Variants in MAPK10 observed in about 807,000 individuals in gnomAD.
The protein encoded by MAPK10 is mitogen-activated protein kinase 10, also known as JNK3 alpha protein kinase.
In MAPK10, 25 loss-of-function variants were observed where a neutral mutation model predicts 59.3. The ratio of observed to expected loss-of-function variants is 0.42; its 90% CI spans 0.31 to 0.59. The LOEUF is 0.59. MAPK10 is among the 20% of genes least tolerant of loss of function. MAPK10 has a pLI of 0.15. For missense variants in MAPK10, 351 were observed against 568.9 expected, an observed-to-expected ratio of 0.62 and a Z score of 3.90; for synonymous variants, 190 against 200.5, an observed-to-expected ratio of 0.95 and a Z score of 0.44.
chr4:86,430,641 A>G, intron 1 of MAPK10, among the ~76,000 whole-genome samples: 1 of 152,240 alleles, frequency 6.6e-6, no homozygotes, highest in East Asian at 1.9e-4. Context: ...TCTCTACAAA[A>G]GCGCCATTTA....
At chr4:86,021,026 T>A (rs942749281) in intron 13 of MAPK10, among the ~76,000 whole-genome samples, 1 of 152,158 alleles carries the variant, frequency 6.6e-6, no homozygotes, top group Non-Finnish European at 1.5e-5. Context: ...TGCTGACTGG[T>A]GCATTTACAA....
At chr4:86,487,564 C>A (rs1316778249) in intron 1 of MAPK10, among the ~76,000 whole-genome samples, 1 of 151,758 alleles carries the variant, frequency 6.6e-6, no homozygotes. Flanking sequence ...CCCGTCTCTA[C>A]TAAAAATACA....
chr4:86,169,351 A>G (rs2073190400), intron 3 of MAPK10, among the ~76,000 whole-genome samples: 1 of 152,200 alleles, frequency 6.6e-6, no homozygotes, highest in South Asian at 2.1e-4. Flanking sequence ...AGAATAACCA[A>G]TACAGAGAAG....
chr4:86,045,635 C>G (rs1029963473), intron 11 of MAPK10, among the ~76,000 whole-genome samples: 1 of 151,878 alleles, frequency 6.6e-6, no homozygotes, highest in African/African-American at 2.4e-5. Context: ...GAATGGCTTC[C>G]CTTCACCCTA....
intron 3 of MAPK10, among the ~76,000 whole-genome samples, chr4:86,181,725 G>T (rs932761900): frequency 6.6e-6 from 1 of 152,028 alleles, no homozygotes; most frequent in Non-Finnish European, 1.5e-5. Flanking sequence ...AAGATGCCCT[G>T]GTCCTGACCC....
chr4:86,110,264 A>G (rs1427385032), intron 4 of MAPK10, among the ~76,000 whole-genome samples: 1 of 151,978 alleles, frequency 6.6e-6, no homozygotes, highest in African/African-American at 2.4e-5. Context: ...CTTTTGTTGC[A>G]ATTGCTTTTG....
At position 86,423,760 on chromosome 4, in the gene MAPK10, G is replaced by GATATATATATATATATAT. The variant is rs772650050; in HGVS notation, c.-122+29269_-122+29270insATATATATATATATATAT. ...AGGGCTGCATATAAGTAATTAGTGG[G>GATATATATATATATATAT]ATATATATACATATATATATATATA... On this transcript the variant is annotated intron_variant, in intron 1 of 13. Transcript: ENST00000361569. Among the ~76,000 whole-genome samples, 1,121 of 116,750 alleles carry GATATATATATATATATAT rather than the reference G, an allele frequency of 9.6e-3. 53 individuals are homozygous for GATATATATATATATATAT. The highest frequency in any genetic ancestry group is 0.012 in the African/African-American group (340 of 28,572). The allele number at this position is 116,750 out of a possible 152,430, so 76.6% of individuals were successfully genotyped here.
intron 3 of MAPK10, chr4:86,176,217 G>T (rs534916565): frequency 6.6e-6 from 1 of 152,218 alleles, no homozygotes; most frequent in South Asian, 2.1e-4. Context: ...TGTACTTAAG[G>T]AGTTAGTTGA....
intron 2 of MAPK10, among the ~76,000 whole-genome samples, chr4:86,337,466 G>A (rs1222316164): frequency 6.6e-6 from 1 of 152,154 alleles, no homozygotes; most frequent in East Asian, 1.9e-4. Context: ...AAGTCTCTTT[G>A]TTTGGAGAAT....
intron 1 of MAPK10, among the ~76,000 whole-genome samples, chr4:86,567,559 A>G (rs895702683): frequency 6.6e-6 from 1 of 152,066 alleles, no homozygotes; most frequent in African/African-American, 2.4e-5. Context: ...ATGTCAAAGT[A>G]GTACTTAATC....
intron 1 of MAPK10, among the ~76,000 whole-genome samples, chr4:86,545,765 C>G (rs1164442987): frequency 6.6e-6 from 1 of 152,098 alleles, no homozygotes; most frequent in Non-Finnish European, 1.5e-5. Flanking sequence ...CAACTCTGAC[C>G]AGGGACATTT....
intron 2 of MAPK10, among the ~76,000 whole-genome samples, chr4:86,344,746 C>T (rs1390491736): frequency 6.6e-6 from 1 of 152,118 alleles, no homozygotes; most frequent in Non-Finnish European, 1.5e-5. Flanking sequence ...CTGTTAACTT[C>T]ATGTAAATGT....
intron 1 of MAPK10, among the ~76,000 whole-genome samples, chr4:86,382,626 T>C (rs903447810): frequency 6.6e-6 from 1 of 152,210 alleles, no homozygotes; most frequent in African/African-American, 2.4e-5. Context: ...TAAGAATGAA[T>C]GTATTCACTT....
At chr4:86,295,421 T>C (rs910091466) in intron 2 of MAPK10, among the ~76,000 whole-genome samples, 1 of 152,110 alleles carries the variant, frequency 6.6e-6, no homozygotes, top group Non-Finnish European at 1.5e-5. Flanking sequence ...TTTATCACCA[T>C]CTAACTTGCT....
intron 1 of MAPK10, among the ~76,000 whole-genome samples, chr4:86,420,586 G>A (rs1488740630): frequency 1.3e-5 from 2 of 152,074 alleles, no homozygotes; most frequent in African/African-American, 4.8e-5. Flanking sequence ...TCAAGAGTTT[G>A]AGACAAGCCT....
chr4:86,245,621 A>C (rs1304411757), intron 2 of MAPK10, among the ~76,000 whole-genome samples: 2 of 152,204 alleles, frequency 1.3e-5, no homozygotes, highest in Non-Finnish European at 2.9e-5. Context: ...GGTGTAAGCC[A>C]CTGTGGCAGG....
At chr4:86,577,205 G>A (rs1418333326) in intron 1 of MAPK10, among the ~76,000 whole-genome samples, 2 of 152,046 alleles carry the variant, frequency 1.3e-5, no homozygotes, top group African/African-American at 4.8e-5. Flanking sequence ...CAGCTGCTTG[G>A]GAGGCTGAGG....
At chr4:86,145,507 GCTT>G (rs1212925386) in intron 4 of MAPK10, among the ~76,000 whole-genome samples, 1 of 151,886 alleles carries the variant, frequency 6.6e-6, no homozygotes, top group Non-Finnish European at 1.5e-5. Flanking sequence ...AAGAATTACT[GCTT>G]CTTTTCAAAG....
chr4:86,350,416 G>A (rs1241321008), intron 2 of MAPK10, among the ~76,000 whole-genome samples: 10 of 152,084 alleles, frequency 6.6e-5, no homozygotes, highest in South Asian at 2.1e-4. Context: ...GGGTTTCACC[G>A]TGTTAGCCAG....
Sources: allele counts gnomAD v4.1 joint callset (sites outside exome capture counted in the v4.1 genomes callset), GRCh38; gene constraint gnomAD v4.1.1; transcripts MANE v1.5; gene names NCBI Gene and HGNC (gene_info 2026-07-23, HGNC 2026-07-21).